The following LRRC49 variants were observed in gnomAD, a reference collection of about 807,000 sequenced individuals.
LRRC49 encodes leucine rich repeat containing 49.
Under a neutral mutation model 83.3 loss-of-function variants are expected in LRRC49, and 50 were observed. The observed-to-expected ratio is 0.60, with a 90% CI of 0.48 to 0.76. The LOEUF (loss-of-function observed/expected upper bound fraction) is 0.76. Ranked by LOEUF, LRRC49 falls within the 30% of genes least tolerant of loss-of-function variation. LRRC49 has a pLI of 0.00. For synonymous variants in LRRC49, 286 were observed against 283.3 expected, an observed-to-expected ratio of 1.01 and a Z score of -0.10; for missense variants, 704 against 809.1, an observed-to-expected ratio of 0.87 and a Z score of 1.58.
At chr15:70,932,385 A>G (rs148687698) in intron 7 of LRRC49, among the ~76,000 whole-genome samples, 2 of 152,146 alleles carry the variant, frequency 1.3e-5, no homozygotes, top group African/African-American at 2.4e-5. Flanking sequence ...AAAAAGGAAT[A>G]CTTCATTGTT....
At chr15:70,861,211 C>T (rs993308566) in intron 1 of LRRC49, among the ~76,000 whole-genome samples, 4 of 152,046 alleles carry the variant, frequency 2.6e-5, no homozygotes, top group Non-Finnish European at 4.4e-5. Flanking sequence ...AATTATATAA[C>T]ACATGGAAGT....
chr15:70,997,992 C>T (rs2141248226), intron 11 of LRRC49, among the ~76,000 whole-genome samples: 2 of 152,062 alleles, frequency 1.3e-5, no homozygotes, highest in Middle Eastern at 3.4e-3. Context: ...TAGCTATTTT[C>T]TTAGTTGTTA....
intron 1 of LRRC49, among the ~76,000 whole-genome samples, chr15:70,857,607 T>G (rs2032684412): frequency 6.6e-6 from 1 of 152,190 alleles, no homozygotes; most frequent in Non-Finnish European, 1.5e-5. Context: ...TGTGCTATAC[T>G]CAATTTTGTA....
intron 2 of LRRC49, chr15:70,882,522 A>G: frequency 6.2e-7 from 1 of 1,613,996 alleles, no homozygotes; most frequent in African/African-American, 1.3e-5. Flanking sequence ...TTGATATCCC[A>G]GTCTGTATCT....
intron 1 of LRRC49, chr15:70,858,823 T>G (rs2032714965): frequency 2.5e-6 from 2 of 796,570 alleles, no homozygotes; most frequent in South Asian, 1.4e-5. Flanking sequence ...GCACCTGAGA[T>G]TCTCCCGAGT....
chr15:71,028,137 G>A (rs902938247), intron 14 of LRRC49, among the ~76,000 whole-genome samples: 62 of 152,162 alleles, frequency 4.1e-4, no homozygotes, highest in African/African-American at 1.5e-3. Flanking sequence ...CCAATTTATT[G>A]AGAGTTTTTG....
chr15:70,942,288 G>A (rs369498771), intron 8 of LRRC49, among the ~76,000 whole-genome samples: 44 of 152,208 alleles, frequency 2.9e-4, no homozygotes, highest in African/African-American at 1.0e-3. Context: ...GGTTCTAAAA[G>A]TTGCAGGAAA....
intron 8 of LRRC49, among the ~76,000 whole-genome samples, chr15:70,958,762 A>G (rs1257513760): frequency 1.3e-5 from 2 of 152,236 alleles, no homozygotes; most frequent in Non-Finnish European, 1.5e-5. Flanking sequence ...CTCAAACACT[A>G]TGAGTTGCGT....
At chr15:70,987,905 A>G (rs1010330242) in intron 11 of LRRC49, among the ~76,000 whole-genome samples, 24 of 152,002 alleles carry the variant, frequency 1.6e-4, no homozygotes, top group African/African-American at 5.6e-4. Context: ...CTAGTAGTCA[A>G]TCAGGAGCAG....
chr15:70,856,794 A>C (rs1020378668), intron 1 of LRRC49, among the ~76,000 whole-genome samples: 33 of 152,190 alleles, frequency 2.2e-4, no homozygotes, highest in African/African-American at 7.7e-4. Flanking sequence ...TTTGTCTAGC[A>C]GGGAGCCTTC....
intron 7 of LRRC49, among the ~76,000 whole-genome samples, chr15:70,925,372 G>C (rs2035157602): frequency 6.6e-6 from 1 of 152,060 alleles, no homozygotes; most frequent in East Asian, 1.9e-4. Flanking sequence ...TGGAAGAATG[G>C]CCGCAATTCT....
intron 2 of LRRC49, chr15:70,873,280 C>T (rs2033089200): frequency 6.7e-7 from 1 of 1,492,140 alleles, no homozygotes; most frequent in Admixed American, 2.0e-5. Flanking sequence ...TCTGCTATCC[C>T]CTCACTGAAC....
intron 14 of LRRC49, among the ~76,000 whole-genome samples, chr15:71,036,347 A>T (rs1163620933): frequency 1.3e-5 from 2 of 152,130 alleles, no homozygotes; most frequent in Non-Finnish European, 2.9e-5. Context: ...GTTTTTATCC[A>T]TTTCTTTATA....
chr15:71,038,986 G>A (rs781343711), intron 15 of LRRC49, among the ~76,000 whole-genome samples: 18 of 151,990 alleles, frequency 1.2e-4, no homozygotes, highest in Non-Finnish European at 2.4e-4. Flanking sequence ...ACATATATAC[G>A]GATAAGTATC....
At chr15:70,890,645 G>A (rs148329230), upstream of LRRC49, among the ~76,000 whole-genome samples, 2 of 152,260 alleles carry the variant, frequency 1.3e-5, no homozygotes, top group Non-Finnish European at 2.9e-5. Flanking sequence ...TGGAGTACAC[G>A]AAGAATGAGA....
At chr15:70,898,798 G>A (rs2033945858) in intron 3 of LRRC49, among the ~76,000 whole-genome samples, 1 of 151,770 alleles carries the variant, frequency 6.6e-6, no homozygotes, top group South Asian at 2.1e-4. Flanking sequence ...AAGAAAGAAA[G>A]AAAAAGGAAA....
chr15:70,870,336 G>A (rs2032999865), intron 1 of LRRC49, among the ~76,000 whole-genome samples: 1 of 152,124 alleles, frequency 6.6e-6, no homozygotes, highest in Admixed American at 6.5e-5. Context: ...GCTCAACTGT[G>A]GTTTACCATT....
intron 11 of LRRC49, among the ~76,000 whole-genome samples, chr15:71,003,634 GA>G (rs1244658552): frequency 6.6e-6 from 1 of 152,072 alleles, no homozygotes; most frequent in Admixed American, 6.6e-5. Context: ...TAATAATCAT[GA>G]AAATGTACTG....
intron 2 of LRRC49, chr15:70,883,055 C>T: frequency 1.4e-6 from 1 of 704,450 alleles, no homozygotes; most frequent in Non-Finnish European, 2.3e-6. Flanking sequence ...CAAGGTGAAT[C>T]TATAGTCCAA....
Sources: allele counts gnomAD v4.1 joint callset (sites outside exome capture counted in the v4.1 genomes callset), GRCh38; gene constraint gnomAD v4.1.1; transcripts MANE v1.5; gene names NCBI Gene and HGNC (gene_info 2026-07-23, HGNC 2026-07-21).